The following PCNT variants were observed in gnomAD, a reference collection of about 807,000 sequenced individuals.
The protein encoded by PCNT is pericentrin.
In PCNT, 319 loss-of-function variants were observed where a neutral mutation model predicts 380.4. The ratio of observed to expected loss-of-function variants is 0.84; its 90% CI spans 0.77 to 0.92. The LOEUF is 0.92. PCNT is among the 40% of genes least tolerant of loss of function. The pLI is 0.00. For missense variants in PCNT, 4,400 were observed against 4,255.3 expected, an observed-to-expected ratio of 1.03 and a Z score of -0.95; for synonymous variants, 1,845 against 1,735.2, an observed-to-expected ratio of 1.06 and a Z score of -1.57.
At chr21:46,324,812 GGGT>G in intron 1 of PCNT, 1 of 904,626 alleles carries the variant, frequency 1.1e-6, no homozygotes, top group Non-Finnish European at 1.3e-6. Flanking sequence ...GGCGTGGCGC[GGGT>G]GGCCTGCAGC....
At chr21:46,352,152 C>G (rs1417194695) in intron 9 of PCNT, among the ~76,000 whole-genome samples, 1 of 152,244 alleles carries the variant, frequency 6.6e-6, no homozygotes, top group African/African-American at 2.4e-5. Flanking sequence ...GGAGGGTGAG[C>G]CACTGCGTGT....
At chr21:46,372,296 A>G (rs1431469119) in intron 15 of PCNT, among the ~76,000 whole-genome samples, 1 of 143,552 alleles carries the variant, frequency 7.0e-6, no homozygotes, top group East Asian at 1.9e-4. Context: ...GCACATACAC[A>G]TAGCAGATGT....
rs1569153010 is a variant in PCNT, at chr21:46,326,416, TC to T, written c.95del (p.Ser32CysfsTer25). The T allele has an allele frequency of 1.2e-6, 2 of 1,614,230 alleles. No individual in the cohort carries two copies. Among genetic ancestry groups the T allele is most frequent in the Non-Finnish European group, 1.7e-6 (2 of 1,180,050 alleles). ...ACAGAGAAAAACAAAAGGTGACAGT[TC>T]GCATTCGGAGAAAAAGACGGCGAAG... is the stretch of plus-strand genomic sequence containing the variant. Reference protein sequence around the residue: ...FRQRKTKGDSSHSEKKTAKRK... With the variant: ...FRQRKTKGDSXHSEKKTAKRK... On this transcript the variant is annotated frameshift_variant, in exon 2 of 47. Transcript: ENST00000359568. LOFTEE classifies it high-confidence loss of function.
At chr21:46,437,862 G>A (rs530907940) in intron 40 of PCNT, among the ~76,000 whole-genome samples, 30 of 152,286 alleles carry the variant, frequency 2.0e-4, no homozygotes, top group Non-Finnish European at 4.0e-4. Flanking sequence ...CTGTTTTGAG[G>A]GGCTTCACAT....
chr21:46,399,519 CT>C, intron 24 of PCNT, 70 bp from the exon 25 acceptor site: 3 of 1,223,574 alleles, frequency 2.5e-6, no homozygotes, highest in Non-Finnish European at 3.6e-6. Context: ...GTTTTGGGTA[CT>C]TTTTTGTTTG....
chr21:46,378,928 A>T (rs2085418257), intron 15 of PCNT, among the ~76,000 whole-genome samples: 2 of 152,180 alleles, frequency 1.3e-5, no homozygotes, highest in Non-Finnish European at 2.9e-5. Context: ...AGGAGGAAGA[A>T]GAATTGTAAA....
intron 28 of PCNT, 117 bp downstream of exon 28, chr21:46,412,184 A>T: frequency 8.0e-7 from 1 of 1,251,720 alleles, no homozygotes; most frequent in Non-Finnish European, 1.1e-6. Flanking sequence ...ATGGTGGCTC[A>T]TGACACAGCG....
intron 26 of PCNT, 130 bp from the exon 27 acceptor site, chr21:46,402,201 T>G: frequency 1.6e-6 from 1 of 638,822 alleles, no homozygotes; most frequent in Non-Finnish European, 2.6e-6. Context: ...CGGGTACAGG[T>G]ACAGGGTAGT....
intron 6 of PCNT, among the ~76,000 whole-genome samples, chr21:46,347,746 C>T (rs1315928064): frequency 2.0e-5 from 3 of 152,236 alleles, no homozygotes. Context: ...CACTGCTCGG[C>T]CCCTCCATGC....
At chr21:46,418,804 G>A (rs1264886707) in intron 31 of PCNT, among the ~76,000 whole-genome samples, 3 of 152,244 alleles carry the variant, frequency 2.0e-5, no homozygotes, top group South Asian at 2.1e-4. Context: ...GAGAGGAGCC[G>A]AGGGGCCGCT....
At position 46,399,692 on chromosome 21, in the gene PCNT, G is replaced by A. The variant is rs746297554; in HGVS notation, c.4687G>A (p.Glu1563Lys). 6.2e-7 allele frequency: 1 copy of A among 1,613,928 alleles called. No homozygotes were observed. Among genetic ancestry groups the A allele is most frequent in the Non-Finnish European group, 8.5e-7 (1 of 1,179,804 alleles). Residue 1563 changes from glutamate (E) to lysine (K), a missense_variant, in exon 25 of 47, where the codon GAA becomes AAA. Coordinates refer to ENST00000359568, the MANE Select transcript of PCNT (RefSeq NM_006031.6). ...ADRQVLMQEE[E>K]IKRLEEMNIN... ...TAGACAAGTGTTAATGCAGGAAGAA[G>A]AAATTAAACGTCTGGAGGAGATGAA...
chr21:46,327,526 A>G (rs1377020685), intron 2 of PCNT, among the ~76,000 whole-genome samples: 1 of 151,916 alleles, frequency 6.6e-6, no homozygotes, highest in Non-Finnish European at 1.5e-5. Context: ...TCAGCCTCTT[A>G]AAGTGTTGGG....
At chr21:46,348,829 G>A (rs373626882) in intron 6 of PCNT, among the ~76,000 whole-genome samples, 183 bp from the exon 7 acceptor site, 5 of 151,194 alleles carry the variant, frequency 3.3e-5, no homozygotes, top group African/African-American at 4.9e-5. Context: ...TATGTTGCCC[G>A]GGCTGGTCTG....
chr21:46,436,469 G>GCCC (rs769557050), intron 39 of PCNT, among the ~76,000 whole-genome samples: 57 of 39,982 alleles, frequency 1.4e-3, no homozygotes, highest in Non-Finnish European at 2.2e-3. Context: ...AGCCTCCTGT[G>GCCC]GCCCCCCCCC....
intron 12 of PCNT, among the ~76,000 whole-genome samples, chr21:46,356,421 G>A (rs1050052207): frequency 5.3e-5 from 8 of 152,256 alleles, no homozygotes; most frequent in Non-Finnish European, 1.2e-4. Context: ...TGATGCCCAT[G>A]GTCGTTGGCA....
rs2147504560 is a variant in PCNT at position 46,402,406 on chromosome 21, A to T, written c.5038A>T (p.Asn1680Tyr). The T allele has an allele frequency of 6.2e-7, 1 of 1,613,416 alleles. No homozygotes were observed. Among genetic ancestry groups the T allele is most frequent in the Non-Finnish European group, 8.5e-7 (1 of 1,179,324 alleles). ...TAAAAATGAAGAAATACTACATCTG[A>T]ACTTAAAATTGGACATGCAGAACAG... ...ESKNEEILHL[N>Y]LKLDMQNSQT... The change falls in exon 27 of 47, where the codon AAC becomes TAC. Residue 1680 changes from asparagine (N) to tyrosine (Y), a missense_variant. Physicochemically the swap from Asn to Tyr is moderately radical, Grantham distance 143 (BLOSUM62 -2). Transcript: ENST00000359568.
rs1308302169 is a variant in PCNT at position 46,399,728 on chromosome 21, A to G, written c.4723A>G (p.Arg1575Gly). 22 of 1,614,148 alleles carry G rather than the reference A, an allele frequency of 1.4e-5. No individual in the cohort carries two copies. Among genetic ancestry groups the G allele is most frequent in the Non-Finnish European group, 1.8e-5 (21 of 1,180,002 alleles). Reference protein sequence around the residue: ...KRLEEMNINIRKKVAQLQEEV... With the variant: ...KRLEEMNINIGKKVAQLQEEV... ...TCTGGAGGAGATGAACATCAACATC[A>G]GGAAAAAAGTGGCCCAGCTCCAGGA... The change falls in exon 25 of 47, where the codon AGG becomes GGG. Residue 1575 changes from arginine to glycine, a missense_variant. By Grantham distance (125) the Arg-to-Gly change is moderately radical. Transcript: ENST00000359568.
intron 25 of PCNT, among the ~76,000 whole-genome samples, chr21:46,400,076 A>T (rs932821531): frequency 2.0e-5 from 3 of 152,042 alleles, no homozygotes; most frequent in African/African-American, 4.8e-5. Context: ...TATTTCATAA[A>T]GTAAACATTT....
intron 15 of PCNT, among the ~76,000 whole-genome samples, chr21:46,371,459 G>A (rs553755397): frequency 6.6e-6 from 1 of 152,264 alleles, no homozygotes. Context: ...AAAGCACTGG[G>A]ATTACAGGTG....
Sources: allele counts gnomAD v4.1 joint callset (sites outside exome capture counted in the v4.1 genomes callset), GRCh38; gene constraint gnomAD v4.1.1; transcripts MANE v1.5; gene names NCBI Gene and HGNC (gene_info 2026-07-23, HGNC 2026-07-21).